Variants in PAX5 observed in about 807,000 individuals in gnomAD.
PAX5 encodes the protein paired box 5, also known as paired box protein Pax-5.
Under a neutral mutation model 43.7 loss-of-function variants are expected in PAX5, and 9 were observed. That is an observed-to-expected ratio of 0.21 (90% CI 0.12 to 0.36). The LOEUF (loss-of-function observed/expected upper bound fraction) is 0.36, where lower values mean the gene tolerates loss of function less well. PAX5 is among the 10% of genes least tolerant of loss of function. The pLI is 1.00. For synonymous variants in PAX5, 228 were observed against 214.3 expected (o/e 1.06, Z -0.56); for missense variants, 383 against 532.7 (o/e 0.72, Z 2.77).
In PAX5 at chr9:36,885,268, G is replaced by A. The variant is rs565783546; in HGVS notation, c.911-3163C>T. Among the ~76,000 whole-genome samples the A allele has an allele frequency of 2.2e-4, 34 of 152,236 alleles. No individual in the cohort carries two copies. In the South Asian group the frequency reaches 6.0e-3, roughly 27 times the overall value. On this transcript the variant is annotated intron_variant, in intron 7 of 9. Coordinates refer to ENST00000358127, the MANE Select transcript of PAX5 (RefSeq NM_016734.3). ...TGATGACACTGTGTGGGGAGGTCTC[G>A]GGGAGGCTGCAGCTCACCAGAGAAA...
At chr9:36,957,019 C>A (rs1039085882) in intron 6 of PAX5, among the ~76,000 whole-genome samples, 53 of 12,950 alleles carry the variant, frequency 4.1e-3, no homozygotes, top group African/African-American at 8.3e-3. Flanking sequence ...GAAGCCTTGT[C>A]CCCCCCACTT....
chr9:36,943,170 C>G (rs1228214634), intron 6 of PAX5, among the ~76,000 whole-genome samples: 2 of 152,182 alleles, frequency 1.3e-5, no homozygotes, highest in Non-Finnish European at 2.9e-5. Flanking sequence ...GGGATGTGGC[C>G]AGAATCACCT....
intron 9 of PAX5, among the ~76,000 whole-genome samples, chr9:36,841,721 C>T (rs1009390530): frequency 3.3e-5 from 5 of 152,164 alleles, no homozygotes; most frequent in East Asian, 1.9e-4. Context: ...GCGAAGACAC[C>T]CCCTGCCCAT....
intron 8 of PAX5, among the ~76,000 whole-genome samples, chr9:36,870,059 AATGGATGGATGG>A (rs10597401): frequency 3.1e-4 from 6 of 19,166 alleles, no homozygotes; most frequent in African/African-American, 9.4e-4. Flanking sequence ...TGGATGGATA[AATGGATGGATGG>A]ATGGATGGAT....
chr9:37,000,262 C>CA (rs1193359437), intron 5 of PAX5, among the ~76,000 whole-genome samples: 1 of 152,314 alleles, frequency 6.6e-6, no homozygotes, highest in East Asian at 1.9e-4. Flanking sequence ...ATCAAACGTG[C>CA]ATACTCTCAG....
intron 1 of PAX5, among the ~76,000 whole-genome samples, chr9:37,030,423 C>G (rs2132565117): frequency 6.6e-6 from 1 of 152,312 alleles, no homozygotes; most frequent in Non-Finnish European, 1.5e-5. Context: ...TACTGCGCCT[C>G]AGTCCTGTCT....
intron 7 of PAX5, among the ~76,000 whole-genome samples, chr9:36,913,249 C>T (rs1177195098): frequency 1.3e-5 from 2 of 152,222 alleles, no homozygotes; most frequent in East Asian, 3.8e-4. Context: ...GCCCAGGTCT[C>T]CTACCAGGCT....
intron 8 of PAX5, among the ~76,000 whole-genome samples, chr9:36,879,280 G>A (rs1826189473): frequency 6.6e-6 from 1 of 152,254 alleles, no homozygotes; most frequent in South Asian, 2.1e-4. Context: ...CTTGAGCCTG[G>A]TAATTAGGGC....
chr9:36,890,687 A>C (rs1827302165), intron 7 of PAX5, among the ~76,000 whole-genome samples: 1 of 152,162 alleles, frequency 6.6e-6, no homozygotes, highest in East Asian at 1.9e-4. Flanking sequence ...CAATTCCTAC[A>C]GAGACAGATA....
Position 36,843,224 on chromosome 9 carries a change from C to T in PAX5, c.1100-2588G>A, listed in dbSNP as rs377417997. On this transcript the variant is annotated intron_variant, in intron 9 of 9. Coordinates refer to ENST00000358127, the MANE Select transcript of PAX5 (RefSeq NM_016734.3). ...CACCAAGGGACCTCCGGACAGGTTTCCATGCCCTGGCGCCCTCCCCAGATG... is the reference window on the plus strand; with the variant it reads ...CACCAAGGGACCTCCGGACAGGTTTTCATGCCCTGGCGCCCTCCCCAGATG... Among the ~76,000 whole-genome samples, 12 of 152,154 alleles carry T rather than the reference C, an allele frequency of 7.9e-5. No individual in the cohort carries two copies. In the South Asian group the frequency reaches 2.5e-3, roughly 32 times the overall value.
chr9:36,857,396 G>T (rs574225460), intron 8 of PAX5, among the ~76,000 whole-genome samples: 1 of 152,312 alleles, frequency 6.6e-6, no homozygotes, highest in African/African-American at 2.4e-5. Context: ...AGAGCTCAGA[G>T]CTAGGCCCCC....
chr9:36,844,461 A>G (rs1186616900), intron 9 of PAX5, among the ~76,000 whole-genome samples: 2 of 138,736 alleles, frequency 1.4e-5, no homozygotes, highest in Admixed American at 7.3e-5. Flanking sequence ...TGCTGAGAGG[A>G]CGACATCAGA....
chr9:36,979,429 ATTC>A (rs1835727111), intron 5 of PAX5, among the ~76,000 whole-genome samples: 2 of 152,208 alleles, frequency 1.3e-5, no homozygotes, highest in Non-Finnish European at 2.9e-5. Context: ...ATAGGGGCAT[ATTC>A]TTGTATTACA....
chr9:37,012,163 C>T (rs922290735), intron 3 of PAX5, among the ~76,000 whole-genome samples: 10 of 152,136 alleles, frequency 6.6e-5, no homozygotes, highest in Non-Finnish European at 1.2e-4. Context: ...GGGCAGGCAG[C>T]CAGGCAGCAG....
At chr9:36,961,657 T>C (rs1236202834) in intron 6 of PAX5, among the ~76,000 whole-genome samples, 1 of 152,262 alleles carries the variant, frequency 6.6e-6, no homozygotes, top group African/African-American at 2.4e-5. Context: ...TGTTGGTTAA[T>C]AGTCTGCCGA....
intron 7 of PAX5, among the ~76,000 whole-genome samples, chr9:36,921,713 C>T (rs1449489581): frequency 3.9e-5 from 6 of 152,230 alleles, no homozygotes; most frequent in Admixed American, 1.3e-4. Context: ...TCTTTGCACT[C>T]TGCCATGCCC....
At chr9:36,938,049 A>T (rs1215721161) in intron 6 of PAX5, among the ~76,000 whole-genome samples, 2 of 152,204 alleles carry the variant, frequency 1.3e-5, no homozygotes, top group Non-Finnish European at 2.9e-5. Flanking sequence ...TAGGCTTAGG[A>T]TTTAGCTATG....
At chr9:36,933,664 T>C (rs1176078412) in intron 6 of PAX5, among the ~76,000 whole-genome samples, 1 of 152,190 alleles carries the variant, frequency 6.6e-6, no homozygotes, top group African/African-American at 2.4e-5. Flanking sequence ...ACTATCCTCC[T>C]CCAGCTGGGG....
intron 5 of PAX5, among the ~76,000 whole-genome samples, chr9:36,993,765 C>G (rs1837127348): frequency 6.6e-6 from 1 of 152,026 alleles, no homozygotes; most frequent in African/African-American, 2.4e-5. Flanking sequence ...AGGGGACTGC[C>G]CACAGCAGAT....
Sources: gnomAD v4.1 joint callset for allele counts (sites outside exome capture counted in the v4.1 genomes callset) on GRCh38, gnomAD v4.1.1 for gene constraint, MANE v1.5 for transcripts, NCBI Gene and HGNC (gene_info 2026-07-23, HGNC 2026-07-21) for gene names.